SLC8A1: variants seen among roughly 807,000 people sequenced by gnomAD.
SLC8A1 encodes the protein solute carrier family 8 member A1.
SLC8A1 carries 18 observed loss-of-function variants against 68.3 expected under a neutral mutation model. That is an observed-to-expected ratio of 0.26 (90% CI 0.18 to 0.39). The LOEUF (loss-of-function observed/expected upper bound fraction) is 0.39. Among genes scored for constraint, SLC8A1 ranks in the 10% least tolerant of loss-of-function variants. The pLI is 1.00. For synonymous variants in SLC8A1, 475 were observed against 415.5 expected, an observed-to-expected ratio of 1.14 and a Z score of -1.74; for missense variants, 985 against 1,156.7, an observed-to-expected ratio of 0.85 and a Z score of 2.15.
Position 40,314,391 on chromosome 2 carries a change from C to G in SLC8A1, c.1808+114082G>C, listed in dbSNP as rs144637858. 2.7e-3 allele frequency among the ~76,000 whole-genome samples: 413 copies of G among 152,016 alleles called. 1 individual carries two copies. The highest frequency in any genetic ancestry group is 9.3e-3 in the African/African-American group (385 of 41,502). ...TATTTTTATGCCACTACCACACTAGCTTGGTACCTGAAACAATAAAATAAA... is the reference window on the plus strand; with the variant it reads ...TATTTTTATGCCACTACCACACTAGGTTGGTACCTGAAACAATAAAATAAA... On this transcript the variant is annotated intron_variant, in intron 2 of 7. Transcript: ENST00000406785.
intron 1 of SLC8A1, among the ~76,000 whole-genome samples, chr2:40,508,534 T>C (rs939901261): frequency 6.6e-6 from 1 of 152,068 alleles, no homozygotes; most frequent in Non-Finnish European, 1.5e-5. Flanking sequence ...ATGTCACATA[T>C]ATATATTTTA....
intron 1 of SLC8A1, among the ~76,000 whole-genome samples, chr2:40,466,330 T>C (rs776565216): frequency 6.6e-6 from 1 of 152,090 alleles, no homozygotes; most frequent in African/African-American, 2.4e-5. Flanking sequence ...TCAAAAGCGA[T>C]GGAAAATTTT....
intron 2 of SLC8A1, chr2:40,213,607 T>G (rs993797022): frequency 1.3e-5 from 2 of 152,222 alleles, no homozygotes; most frequent in African/African-American, 4.8e-5. Flanking sequence ...TTCTTCACAA[T>G]TATGCTTAAC....
chr2:40,255,470 C>T (rs907029970), intron 2 of SLC8A1, among the ~76,000 whole-genome samples: 3 of 152,150 alleles, frequency 2.0e-5, no homozygotes, highest in African/African-American at 7.2e-5. Context: ...AGAACATCTC[C>T]ACTATCATCA....
At chr2:40,352,988 C>T (rs978574455) in intron 2 of SLC8A1, among the ~76,000 whole-genome samples, 3 of 152,086 alleles carry the variant, frequency 2.0e-5, no homozygotes, top group Admixed American at 1.3e-4. Flanking sequence ...TACGGAAGGT[C>T]CACACCCCAG....
chr2:40,174,835 G>A (rs781466163), exon 4 of SLC8A1: 1 of 1,609,406 alleles, frequency 6.2e-7, no homozygotes, highest in Non-Finnish European at 8.5e-7. Flanking sequence ...CTGTTATTGT[G>A]AAGCCACCTA....
chr2:40,216,504 T>C (rs2057509944), intron 2 of SLC8A1, among the ~76,000 whole-genome samples: 1 of 152,216 alleles, frequency 6.6e-6, no homozygotes, highest in Non-Finnish European at 1.5e-5. Flanking sequence ...TTATATTCCT[T>C]TGAGTGTATA....
intron 2 of SLC8A1, among the ~76,000 whole-genome samples, chr2:40,406,897 T>C (rs1690539814): frequency 6.6e-6 from 1 of 152,190 alleles, no homozygotes; most frequent in African/African-American, 2.4e-5. Flanking sequence ...TGCATATACA[T>C]AGCACAGTAA....
intron 2 of SLC8A1, among the ~76,000 whole-genome samples, chr2:40,275,043 C>A (rs2066522296): frequency 6.6e-6 from 1 of 152,092 alleles, no homozygotes; most frequent in African/African-American, 2.4e-5. Flanking sequence ...AGCTAAAATG[C>A]AAAGCTAATC....
In SLC8A1 at chr2:40,503,541, T is replaced by C. The variant is rs561629903; in HGVS notation, c.-25+8808A>G. ...CTGTCCTTGTTTGCCGATGATACAATCTGGTTTTGGAAAAACCAAAAGACT... is the reference window on the plus strand; with the variant it reads ...CTGTCCTTGTTTGCCGATGATACAACCTGGTTTTGGAAAAACCAAAAGACT... On this transcript the variant is annotated intron_variant, in intron 1 of 7. Coordinates refer to the SLC8A1 transcript ENST00000402441. Among the ~76,000 whole-genome samples, 4 of 152,110 alleles carry C rather than the reference T, an allele frequency of 2.6e-5. No homozygotes were observed. In the East Asian group the frequency reaches 7.7e-4, roughly 29 times the overall value.
intron 7 of SLC8A1, among the ~76,000 whole-genome samples, chr2:40,119,050 C>G (rs2036193277): frequency 6.6e-6 from 1 of 152,150 alleles, no homozygotes; most frequent in Non-Finnish European, 1.5e-5. Flanking sequence ...GTCCTTTAGG[C>G]TGACATGGAG....
chr2:40,369,445 T>C (rs1481966016), intron 2 of SLC8A1, among the ~76,000 whole-genome samples: 1 of 152,078 alleles, frequency 6.6e-6, no homozygotes, highest in African/African-American at 2.4e-5. Flanking sequence ...TTAACATGCA[T>C]GAACTTCAAG....
chr2:40,501,519 T>G (rs751814228), intron 1 of SLC8A1, among the ~76,000 whole-genome samples: 1 of 152,150 alleles, frequency 6.6e-6, no homozygotes, highest in Middle Eastern at 3.2e-3. Context: ...CCTGTATGCT[T>G]CTTTTGATGA....
At chr2:40,268,839 C>T (rs1334970722) in intron 2 of SLC8A1, among the ~76,000 whole-genome samples, 5 of 152,050 alleles carry the variant, frequency 3.3e-5, no homozygotes. Context: ...ACACATAAAA[C>T]AAATTATCCC....
At chr2:40,394,737 T>C (rs1035578319) in intron 2 of SLC8A1, among the ~76,000 whole-genome samples, 1 of 152,084 alleles carries the variant, frequency 6.6e-6, no homozygotes, top group Non-Finnish European at 1.5e-5. Context: ...CAACGTGTTT[T>C]TTCCTCCTTC....
intron 2 of SLC8A1, among the ~76,000 whole-genome samples, chr2:40,210,972 T>C (rs1488908402): frequency 2.0e-5 from 3 of 152,252 alleles, no homozygotes; most frequent in Non-Finnish European, 4.4e-5. Flanking sequence ...TAGTCCTTGC[T>C]AGATTTTATC....
intron 2 of SLC8A1, among the ~76,000 whole-genome samples, chr2:40,360,310 G>C (rs938411110): frequency 1.3e-5 from 2 of 152,090 alleles, no homozygotes; most frequent in Non-Finnish European, 2.9e-5. Flanking sequence ...CTAAATTTGG[G>C]ATCATCATGC....
At chr2:40,429,926 T>C (rs148811290) in exon 2 of SLC8A1, 41 of 1,613,224 alleles carry the variant, frequency 2.5e-5, no homozygotes, top group Non-Finnish European at 3.4e-5. Context: ...GTCTCTCCAT[T>C]GGGTTTCTTT....
At chr2:40,280,754 G>C (rs1466303586) in intron 2 of SLC8A1, among the ~76,000 whole-genome samples, 1 of 152,148 alleles carries the variant, frequency 6.6e-6, no homozygotes, top group Non-Finnish European at 1.5e-5. Flanking sequence ...AAAGTTTCAA[G>C]AAAGGCTCCT....
Sources: gnomAD v4.1 joint callset for allele counts (sites outside exome capture counted in the v4.1 genomes callset) on GRCh38, gnomAD v4.1.1 for gene constraint, MANE v1.5 for transcripts, NCBI Gene and HGNC (gene_info 2026-07-23, HGNC 2026-07-21) for gene names.